The following ULK4 variants were observed in gnomAD, a reference collection of about 807,000 sequenced individuals.
ULK4 encodes the protein unc-51 like kinase 4, also known as inactive serine/threonine-protein kinase ULK4.
ULK4 carries 133 observed loss-of-function variants against 160.6 expected under a neutral mutation model. That is an observed-to-expected ratio of 0.83 (90% confidence interval 0.72 to 0.96). The LOEUF (loss-of-function observed/expected upper bound fraction) is 0.96. ULK4 is among the 40% of genes least tolerant of loss of function. ULK4 has a pLI of 0.00. For missense variants in ULK4, 1,580 were observed against 1,499.5 expected (o/e 1.05, Z -0.89); for synonymous variants, 534 against 539.8 (o/e 0.99, Z 0.15).
At chr3:41,805,560 C>A (rs2040615505) in intron 19 of ULK4, among the ~76,000 whole-genome samples, 1 of 150,772 alleles carries the variant, frequency 6.6e-6, no homozygotes, top group Non-Finnish European at 1.5e-5. Context: ...CTGTCTTGTG[C>A]CAGTTTTCAA....
At chr3:41,796,553 T>TAC (rs1559558742) in intron 20 of ULK4, among the ~76,000 whole-genome samples, 1 of 151,940 alleles carries the variant, frequency 6.6e-6, no homozygotes, top group Admixed American at 6.6e-5. Flanking sequence ...GATTGCATGA[T>TAC]TGTACTCCAG....
Position 41,820,234 on chromosome 3 carries a change from T to C in ULK4, c.1765-728A>G, listed in dbSNP as rs758000206. Among the ~76,000 whole-genome samples, 7 of 152,310 alleles carry C rather than the reference T, an allele frequency of 4.6e-5. No individual in the cohort carries two copies. In the South Asian group the frequency reaches 6.2e-4, roughly 14 times the overall value. On this transcript the variant is annotated intron_variant, in intron 18 of 36. Coordinates refer to ENST00000301831, the MANE Select transcript of ULK4 (RefSeq NM_017886.4). ...TAGTACATTATTAATTTACTTCAGCTACTATGAAAAATAGTTTGGAGATAT... is the reference window on the plus strand; with the variant it reads ...TAGTACATTATTAATTTACTTCAGCCACTATGAAAAATAGTTTGGAGATAT...
intron 18 of ULK4, among the ~76,000 whole-genome samples, chr3:41,825,784 A>G (rs1220807979): frequency 2.0e-5 from 3 of 152,216 alleles, no homozygotes; most frequent in Admixed American, 6.5e-5. Flanking sequence ...GCAGGCCAAC[A>G]TTCAAATTCA....
chr3:41,557,019 A>G (rs1050414810), intron 32 of ULK4, among the ~76,000 whole-genome samples: 4 of 152,180 alleles, frequency 2.6e-5, no homozygotes, highest in Non-Finnish European at 5.9e-5. Context: ...ACAATTAAAG[A>G]ACTATGTATC....
intron 21 of ULK4, among the ~76,000 whole-genome samples, chr3:41,769,915 G>T (rs1218245141): frequency 6.6e-6 from 1 of 152,100 alleles, no homozygotes; most frequent in African/African-American, 2.4e-5. Context: ...ACTGATAACA[G>T]CCTGAAAGAA....
chr3:41,565,972 G>T, intron 32 of ULK4, 53 bp downstream of exon 32: 1 of 1,410,918 alleles, frequency 7.1e-7, no homozygotes. Context: ...TATATAAGAT[G>T]AAGAAATGAA....
At chr3:41,307,466 C>A (rs1343620545) in intron 35 of ULK4, among the ~76,000 whole-genome samples, 1 of 152,162 alleles carries the variant, frequency 6.6e-6, no homozygotes, top group Non-Finnish European at 1.5e-5. Flanking sequence ...ACATTAGAGA[C>A]TGGATAGACT....
chr3:41,714,442 T>C (rs922771441), intron 25 of ULK4, among the ~76,000 whole-genome samples: 3 of 152,196 alleles, frequency 2.0e-5, no homozygotes, highest in Non-Finnish European at 4.4e-5. Context: ...CTCTATGGCA[T>C]TTTGAAAATC....
intron 35 of ULK4, among the ~76,000 whole-genome samples, chr3:41,303,882 G>A (rs959588163): frequency 1.3e-5 from 2 of 152,146 alleles, no homozygotes; most frequent in Admixed American, 6.5e-5. Flanking sequence ...CAACCAAAAG[G>A]TGTTCAGAGC....
chr3:41,408,985 G>T (rs575644141), intron 34 of ULK4, among the ~76,000 whole-genome samples: 3 of 152,244 alleles, frequency 2.0e-5, no homozygotes, highest in African/African-American at 7.2e-5. Context: ...AGAGCTAAAT[G>T]CAGCTGGGTG....
chr3:41,426,253 T>C (rs1196760110), intron 34 of ULK4, among the ~76,000 whole-genome samples: 5 of 152,202 alleles, frequency 3.3e-5, no homozygotes, highest in African/African-American at 7.2e-5. Context: ...ATGCACCCGA[T>C]ACAGGAGAAC....
chr3:41,799,311 T>A (rs2040389924), intron 20 of ULK4, among the ~76,000 whole-genome samples: 1 of 152,216 alleles, frequency 6.6e-6, no homozygotes. Flanking sequence ...TGTTAACACA[T>A]CTTTATACAT....
intron 34 of ULK4, among the ~76,000 whole-genome samples, chr3:41,449,710 A>G (rs2083383597): frequency 1.3e-5 from 2 of 152,154 alleles, no homozygotes; most frequent in South Asian, 4.2e-4. Context: ...TTGTGAAAGG[A>G]AGAAATTTAG....
intron 18 of ULK4, among the ~76,000 whole-genome samples, chr3:41,826,222 G>A (rs183128645): frequency 2.0e-5 from 3 of 152,276 alleles, no homozygotes; most frequent in Admixed American, 1.3e-4. Context: ...TTGTAAAGAC[G>A]ATGGAGGCTA....
At chr3:41,781,968 T>A (rs1484270437) in intron 21 of ULK4, among the ~76,000 whole-genome samples, 2 of 152,038 alleles carry the variant, frequency 1.3e-5, no homozygotes, top group African/African-American at 4.8e-5. Flanking sequence ...CAAACAAAAT[T>A]TGGCCATGAA....
At chr3:41,627,274 A>C (rs1293561874) in intron 30 of ULK4, among the ~76,000 whole-genome samples, 2 of 152,148 alleles carry the variant, frequency 1.3e-5, no homozygotes, top group Non-Finnish European at 2.9e-5. Context: ...TTCTGAGCTC[A>C]GTTTTGCAGG....
At chr3:41,258,880 A>C (rs2078888234) in intron 35 of ULK4, among the ~76,000 whole-genome samples, 1 of 151,992 alleles carries the variant, frequency 6.6e-6, no homozygotes, top group Admixed American at 6.6e-5. Context: ...AGGAAAAATC[A>C]TAAAATAATT....
In ULK4 at chr3:41,574,121, G is replaced by A. The variant is rs72860654; in HGVS notation, c.3121-7991C>T. On this transcript the variant is annotated intron_variant, in intron 31 of 36. Transcript: ENST00000301831. ...TTGACCTCAAAAGGCAGAGGTTGCCGTGAGCCGAGATTGAGCCATTGCACT... is the reference window on the plus strand; with the variant it reads ...TTGACCTCAAAAGGCAGAGGTTGCCATGAGCCGAGATTGAGCCATTGCACT... Among the ~76,000 whole-genome samples, 1,225 of 152,274 alleles carry A rather than the reference G, an allele frequency of 8.0e-3. 14 individuals carry two copies. Among genetic ancestry groups the A allele is most frequent in the African/African-American group, 0.028 (1,169 of 41,552 alleles).
intron 32 of ULK4, among the ~76,000 whole-genome samples, chr3:41,494,514 T>A (rs2084913805): frequency 1.3e-5 from 2 of 150,742 alleles, no homozygotes; most frequent in African/African-American, 2.4e-5. Context: ...CTTTGAAAAC[T>A]GGCACAAGAC....
Sources: gnomAD v4.1 joint callset for allele counts (sites outside exome capture counted in the v4.1 genomes callset) on GRCh38, gnomAD v4.1.1 for gene constraint, MANE v1.5 for transcripts, NCBI Gene and HGNC (gene_info 2026-07-23, HGNC 2026-07-21) for gene names.